DENND2A: variants seen among roughly 807,000 people sequenced by gnomAD.
The protein encoded by DENND2A is DENN domain containing 2A.
DENND2A carries 53 observed loss-of-function variants against 105.3 expected under a neutral mutation model. The ratio of observed to expected loss-of-function variants is 0.50; its 90% CI spans 0.40 to 0.63. DENND2A has a LOEUF of 0.63. Ranked by LOEUF, DENND2A falls within the 30% of genes least tolerant of loss-of-function variation. DENND2A has a pLI of 0.00. For missense variants in DENND2A, 1,138 were observed against 1,279.6 expected, an observed-to-expected ratio of 0.89 and a Z score of 1.69; for synonymous variants, 522 against 508.4, an observed-to-expected ratio of 1.03 and a Z score of -0.36.
chr7:140,558,541 CA>C (rs1797478456), intron 10 of DENND2A, among the ~76,000 whole-genome samples: 1 of 151,888 alleles, frequency 6.6e-6, no homozygotes, highest in African/African-American at 2.4e-5. Context: ...ACTAAAAATA[CA>C]AAAATTAGCC....
intron 13 of DENND2A, 127 bp downstream of exon 13, chr7:140,546,672 C>G: frequency 8.0e-7 from 1 of 1,245,614 alleles, no homozygotes; most frequent in Non-Finnish European, 1.1e-6. Flanking sequence ...TCTGGGCCAG[C>G]TCTAGGGGTG....
rs868019456 is a variant in DENND2A, at chr7:140,602,281, G to A, written c.117C>T (p.Pro39=). The change falls in exon 3 of 20, where the codon CCC becomes CCT. Residue 39 remains proline, a synonymous_variant. Transcript: ENST00000496613. ...QNPCPSARAR[P]RHKSLNIKDK... is the part of the protein sequence containing the mutation. ...CCTTTATGTTGAGGGACTTGTGCCG[G>A]GGTCTGGCTCTGGCAGATGGGCAAG... The A allele has an allele frequency of 6.8e-6, 11 of 1,610,942 alleles. No homozygotes were observed. The highest frequency in any genetic ancestry group is 3.3e-4 in the Middle Eastern group (2 of 6,082).
chr7:140,558,033 G>A (rs965290449), intron 11 of DENND2A, 110 bp downstream of exon 11: 2 of 800,674 alleles, frequency 2.5e-6, no homozygotes, highest in Non-Finnish European at 4.1e-6. Flanking sequence ...CTCCTCCTGT[G>A]CCTCATCAGG....
chr7:140,636,988 T>C (rs1800962298), intron 1 of DENND2A, among the ~76,000 whole-genome samples: 1 of 152,068 alleles, frequency 6.6e-6, no homozygotes. Context: ...GCCTCCCAAG[T>C]AGTTGGGACT....
At chr7:140,601,048 C>T (rs1799465690) in intron 3 of DENND2A, among the ~76,000 whole-genome samples, 1 of 152,174 alleles carries the variant, frequency 6.6e-6, no homozygotes, top group Admixed American at 6.5e-5. Flanking sequence ...AAGAAAAATT[C>T]AAGCACTGGT....
At chr7:140,568,890 C>A in intron 7 of DENND2A, 77 bp from the exon 8 acceptor site, 1 of 1,416,610 alleles carries the variant, frequency 7.1e-7, no homozygotes, top group Non-Finnish European at 9.9e-7. Flanking sequence ...TGTGGTAGCA[C>A]AGATCAAATG....
Position 140,567,373 on chromosome 7 carries a change from C to A in DENND2A, c.1592-100G>T, listed in dbSNP as rs567267346. The A allele has an allele frequency of 3.8e-6, 4 of 1,063,908 alleles. No homozygotes were observed. In the South Asian group the frequency reaches 7.0e-5, roughly 19 times the overall value. 65.9% of individuals were successfully genotyped at this position (1,063,908 alleles called of 1,614,324 possible). A position where few individuals can be genotyped will look rare whatever the true frequency, so the allele number is the denominator to read the frequency against. ...GAGTGAGCAAAGAGCCTGAAATGAC[C>A]ATGAGTCCATGTGGAATTGTGCCGA... On this transcript the variant is annotated intron_variant, in intron 8 of 19. Transcript: ENST00000496613.
intron 14 of DENND2A, among the ~76,000 whole-genome samples, chr7:140,532,277 A>T (rs1796298574): frequency 6.6e-6 from 1 of 152,176 alleles, no homozygotes; most frequent in Non-Finnish European, 1.5e-5. Context: ...TCAAAAAAAT[A>T]AAAGAGACCT....
intron 3 of DENND2A, among the ~76,000 whole-genome samples, chr7:140,595,587 A>G (rs1439939149): frequency 6.6e-6 from 1 of 151,922 alleles, no homozygotes; most frequent in Non-Finnish European, 1.5e-5. Context: ...TGGGCAACAT[A>G]GCAAAACCCT....
chr7:140,585,104 G>A (rs1212161906), intron 5 of DENND2A, among the ~76,000 whole-genome samples: 1 of 152,128 alleles, frequency 6.6e-6, no homozygotes, highest in Admixed American at 6.6e-5. Flanking sequence ...AGGCTGAGGT[G>A]GGAGGATTGA....
intron 1 of DENND2A, among the ~76,000 whole-genome samples, chr7:140,633,447 G>T (rs184904228): frequency 1.1e-3 from 168 of 152,262 alleles, no homozygotes; most frequent in African/African-American, 3.8e-3. Context: ...GAGCCACCGC[G>T]CCTGGCCTAA....
At chr7:140,624,868 G>GTT (rs1367069950) in intron 1 of DENND2A, among the ~76,000 whole-genome samples, 6 of 109,208 alleles carry the variant, frequency 5.5e-5, no homozygotes, top group South Asian at 5.7e-4. Flanking sequence ...GTTTTTTTTT[G>GTT]TTTTTTTTTT....
intron 3 of DENND2A, 142 bp from the exon 4 acceptor site, chr7:140,587,922 A>AT (rs1798855945): frequency 9.3e-7 from 1 of 1,071,378 alleles, no homozygotes; most frequent in Non-Finnish European, 1.3e-6. Flanking sequence ...ATTTTATTTC[A>AT]TTTTTTGAGA....
intron 3 of DENND2A, among the ~76,000 whole-genome samples, chr7:140,592,519 G>A (rs895006620): frequency 1.3e-4 from 19 of 149,268 alleles, no homozygotes; most frequent in South Asian, 4.3e-4. Context: ...CTAATTTTTC[G>A]TTTTTAGTAG....
chr7:140,558,280 G>T (rs768677795), intron 10 of DENND2A, 68 bp from the exon 11 acceptor site: 1 of 1,302,560 alleles, frequency 7.7e-7, no homozygotes, highest in Non-Finnish European at 1.1e-6. Context: ...TCACTCTGCA[G>T]CAAGGGGTGG....
chr7:140,532,037 TA>T (rs1197339339), intron 14 of DENND2A, among the ~76,000 whole-genome samples: 2 of 151,926 alleles, frequency 1.3e-5, no homozygotes, highest in Non-Finnish European at 2.9e-5. Context: ...CTGAGGCAGG[TA>T]GATCACCTGA....
intron 12 of DENND2A, among the ~76,000 whole-genome samples, chr7:140,549,262 T>TA (rs1797023348): frequency 4.7e-5 from 7 of 150,256 alleles, no homozygotes; most frequent in Admixed American, 4.6e-4. Flanking sequence ...AATTTCAAAA[T>TA]ACACATTTTT....
chr7:140,605,535 C>T (rs538560196), intron 2 of DENND2A, among the ~76,000 whole-genome samples, 170 bp downstream of exon 2: 35 of 152,268 alleles, frequency 2.3e-4, no homozygotes, highest in Admixed American at 2.0e-3. Flanking sequence ...ATCAGTTTGG[C>T]CTGAAGCCTT....
At chr7:140,553,237 A>T (rs1293924008) in intron 12 of DENND2A, among the ~76,000 whole-genome samples, 1 of 152,166 alleles carries the variant, frequency 6.6e-6, no homozygotes, top group Non-Finnish European at 1.5e-5. Context: ...TCAGCAGACA[A>T]ACACGTGAAC....
Sources: gnomAD v4.1 joint callset for allele counts (sites outside exome capture counted in the v4.1 genomes callset) on GRCh38, gnomAD v4.1.1 for gene constraint, MANE v1.5 for transcripts, NCBI Gene and HGNC (gene_info 2026-07-23, HGNC 2026-07-21) for gene names.